SDHAF4: variants seen among roughly 807,000 people sequenced by gnomAD.
The protein encoded by SDHAF4 is succinate dehydrogenase complex assembly factor 4, also known as succinate dehydrogenase assembly factor 4, mitochondrial.
Under a neutral mutation model 14.3 loss-of-function variants are expected in SDHAF4, and 14 were observed. The ratio of observed to expected loss-of-function variants is 0.98; its 90% CI spans 0.65 to 1.53. SDHAF4 has a LOEUF of 1.53. Ranked by LOEUF, SDHAF4 falls within the 40% of genes most tolerant of loss-of-function variation. The pLI is 0.00. For synonymous variants in SDHAF4, 63 were observed against 47.3 expected, an observed-to-expected ratio of 1.33 and a Z score of -1.36; for missense variants, 141 against 129.3, an observed-to-expected ratio of 1.09 and a Z score of -0.44.
chr6:70,572,325 ATCT>A (rs773036878), intron 1 of SDHAF4, among the ~76,000 whole-genome samples: 1 of 151,514 alleles, frequency 6.6e-6, no homozygotes, highest in Non-Finnish European at 1.5e-5. Flanking sequence ...TTTATTGTTG[ATCT>A]TCTTTGTTAT....
In SDHAF4 at chr6:70,567,131, C is replaced by T. The variant is rs990912142; in HGVS notation, c.64+127C>T. 6.5e-6 allele frequency: 6 copies of T among 920,992 alleles called. No homozygotes were observed. The Admixed American group carries it at 1.3e-4, about 20-fold the overall frequency. The allele number at this position is 920,992 out of a possible 1,614,324, so 57.1% of individuals were successfully genotyped here. A position where few individuals can be genotyped will look rare whatever the true frequency, so the allele number is the denominator to read the frequency against. ...TTCGGTGTTGCCAGGGGCTGCCCAG[C>T]TTCTCCCGCCCAGCCGCCCACCCGG... is the stretch of plus-strand genomic sequence containing the variant. On this transcript the variant is annotated intron_variant, in intron 1 of 2. Coordinates refer to ENST00000370474, the MANE Select transcript of SDHAF4 (RefSeq NM_145267.3).
At chr6:70,586,164 G>A (rs1473739189) in intron 2 of SDHAF4, among the ~76,000 whole-genome samples, 1 of 152,144 alleles carries the variant, frequency 6.6e-6, no homozygotes, top group Non-Finnish European at 1.5e-5. Flanking sequence ...CAAAAGTCTA[G>A]TTGCCTTTTG....
At chr6:70,587,168 TCACACACACA>T (rs56012930) in intron 2 of SDHAF4, among the ~76,000 whole-genome samples, 9 of 135,446 alleles carry the variant, frequency 6.6e-5, no homozygotes, top group East Asian at 2.2e-4. Flanking sequence ...TGAAACTCCA[TCACACACACA>T]CACACACACA....
At chr6:70,575,724 T>A (rs865985180) in intron 1 of SDHAF4, among the ~76,000 whole-genome samples, 26 of 129,224 alleles carry the variant, frequency 2.0e-4, no homozygotes, top group African/African-American at 9.0e-4. Flanking sequence ...TGTGTGTGTG[T>A]GTGAGAGAGA....
downstream of SDHAF4, among the ~76,000 whole-genome samples, chr6:70,590,712 CTCACTT>C (rs1157035902): frequency 6.6e-6 from 1 of 152,158 alleles, no homozygotes; most frequent in Non-Finnish European, 1.5e-5. Context: ...TTATTCCTGT[CTCACTT>C]TCACTTCACA....
rs77296762 is a variant in SDHAF4, at chr6:70,572,708, G to A, written c.64+5704G>A. 4.0e-3 allele frequency among the ~76,000 whole-genome samples: 612 copies of A among 151,296 alleles called. 10 individuals carry two copies. Among genetic ancestry groups the A allele is most frequent in the Admixed American group, 0.025 (385 of 15,236 alleles). On this transcript the variant is annotated intron_variant, in intron 1 of 2. Transcript: ENST00000370474. ...CATAAACAGCATATGGCTTGTTTCC[G>A]GTTTGTTTGTATGGGGGTTTTTGTT...
chr6:70,583,376 G>T (rs575062532), intron 2 of SDHAF4, among the ~76,000 whole-genome samples: 96 of 152,336 alleles, frequency 6.3e-4, no homozygotes, highest in African/African-American at 2.3e-3. Flanking sequence ...GCCTTCCAAA[G>T]TGCTGAGGTT....
In SDHAF4 at chr6:70,588,772, G is replaced by A; in HGVS notation, c.*48G>A. Reference sequence around the variant, plus strand: ...TATTGTTTTCTGAATATGTACATCTGAATTAACTTATTTCTGATTATTTTC... The same window carrying A: ...TATTGTTTTCTGAATATGTACATCTAAATTAACTTATTTCTGATTATTTTC... On this transcript the variant is annotated 3_prime_UTR_variant, in exon 3 of 3. Coordinates refer to ENST00000370474, the MANE Select transcript of SDHAF4 (RefSeq NM_145267.3). The A allele has an allele frequency of 9.5e-7, 1 of 1,050,232 alleles. No individual in the cohort carries two copies. Among genetic ancestry groups the A allele is most frequent in the Non-Finnish European group, 1.4e-6 (1 of 694,410 alleles). 65.1% of individuals were successfully genotyped at this position (1,050,232 alleles called of 1,614,324 possible).
intron 2 of SDHAF4, among the ~76,000 whole-genome samples, chr6:70,587,181 C>CACACACACACACACAT (rs1324181634): frequency 2.0e-5 from 3 of 149,738 alleles, no homozygotes; most frequent in African/African-American, 7.4e-5. Context: ...CACACACACA[C>CACACACACACACACAT]ACACACACAC....
rs1383829141 is a variant in SDHAF4, at chr6:70,589,219, G to T, written c.*495G>T. On this transcript the variant is annotated 3_prime_UTR_variant, in exon 3 of 3. Coordinates refer to ENST00000370474, the MANE Select transcript of SDHAF4 (RefSeq NM_145267.3). ...TCTCTCTCTCACCCAGGCTGGAGTG[G>T]AGTGGCACTATCCCAACTCACTGCA... 6.6e-6 allele frequency: 1 copy of T among 152,060 alleles called. No individual in the cohort carries two copies. The highest frequency in any genetic ancestry group is 1.5e-5 in the Non-Finnish European group (1 of 68,044). The allele number at this position is 152,060 out of a possible 1,614,324, so 9.4% of individuals were successfully genotyped here. A position where few individuals can be genotyped will look rare whatever the true frequency, so the allele number is the denominator to read the frequency against.
the SDHAF4 span, among the ~76,000 whole-genome samples, chr6:70,594,914 GAAAA>G: frequency 0.014 from 1,881 of 139,154 alleles, 27 homozygotes; most frequent in African/African-American, 0.046. Context: ...CTCCATCTCA[GAAAA>G]AAAAAAAAAA....
chr6:70,588,853 A>ATG lies in SDHAF4; in HGVS notation c.*130_*131insGT. The ATG allele has an allele frequency of 6.0e-6, 2 of 334,276 alleles. No homozygotes were observed. The highest frequency in any genetic ancestry group is 4.4e-5 in the African/African-American group (2 of 45,402). 20.7% of individuals were successfully genotyped at this position (334,276 alleles called of 1,614,324 possible). A position where few individuals can be genotyped will look rare whatever the true frequency, so the allele number is the denominator to read the frequency against. ...GTATAATGTGTTTAAATATATATATATATGATGGCTTTGGAAGAAAATATG... is the reference window on the plus strand; with the variant it reads ...GTATAATGTGTTTAAATATATATATATGTATGATGGCTTTGGAAGAAAATATG... On this transcript the variant is annotated 3_prime_UTR_variant, in exon 3 of 3. Transcript: ENST00000370474.
At chr6:70,576,863 G>A (rs1259562835) in intron 1 of SDHAF4, among the ~76,000 whole-genome samples, 1 of 152,194 alleles carries the variant, frequency 6.6e-6, no homozygotes, top group South Asian at 2.1e-4. Context: ...CCAACACCTA[G>A]TAAGTGGTTG....
At chr6:70,569,620 T>G (rs1397352385) in intron 1 of SDHAF4, among the ~76,000 whole-genome samples, 3 of 152,254 alleles carry the variant, frequency 2.0e-5, no homozygotes, top group Admixed American at 2.0e-4. Context: ...GTTACGTAAG[T>G]GTCAAATACC....
chr6:70,569,008 C>T (rs1299976350), intron 1 of SDHAF4, among the ~76,000 whole-genome samples: 15 of 141,264 alleles, frequency 1.1e-4, no homozygotes, highest in African/African-American at 4.2e-4. Context: ...CTCTGTCGCC[C>T]GGGCTGGAGT....
At chr6:70,585,286 G>A (rs2128535942) in intron 2 of SDHAF4, among the ~76,000 whole-genome samples, 1 of 152,310 alleles carries the variant, frequency 6.6e-6, no homozygotes, top group African/African-American at 2.4e-5. Flanking sequence ...AAAACTCACT[G>A]AACTGCGTAC....
At chr6:70,576,135 C>T (rs1802252715) in intron 1 of SDHAF4, among the ~76,000 whole-genome samples, 1 of 152,194 alleles carries the variant, frequency 6.6e-6, no homozygotes, top group African/African-American at 2.4e-5. Context: ...ACACCCCTGG[C>T]AGGCTGATGT....
chr6:70,583,452 G>A (rs1021927037), intron 2 of SDHAF4, among the ~76,000 whole-genome samples: 37 of 152,248 alleles, frequency 2.4e-4, no homozygotes, highest in Admixed American at 5.2e-4. Flanking sequence ...GGTGTGGTGA[G>A]GAGACATTTC....
intron 1 of SDHAF4, among the ~76,000 whole-genome samples, chr6:70,577,185 A>G (rs557589107): frequency 6.6e-6 from 1 of 152,136 alleles, no homozygotes; most frequent in East Asian, 1.9e-4. Flanking sequence ...ATAATCCTGG[A>G]TAACCTCCCT....
Sources: allele counts gnomAD v4.1 joint callset (sites outside exome capture counted in the v4.1 genomes callset), GRCh38; gene constraint gnomAD v4.1.1; transcripts MANE v1.5; gene names NCBI Gene and HGNC (gene_info 2026-07-23, HGNC 2026-07-21).